Variants in FAAH2 observed in about 807,000 individuals in gnomAD.
FAAH2 encodes the protein fatty-acid amide hydrolase 2.
FAAH2 carries 60 observed loss-of-function variants against 36.9 expected under a neutral mutation model. The ratio of observed to expected loss-of-function variants is 1.63; its 90% CI spans 1.32 to 2.02. The LOEUF (loss-of-function observed/expected upper bound fraction) is 2.02, where lower values mean the gene tolerates loss of function less well. FAAH2 is among the 30% of genes most tolerant of loss of function. The probability of loss-of-function intolerance (pLI) is 0.00; values close to 1 mark genes in which losing one functional copy is unlikely to be tolerated. For synonymous variants in FAAH2, 214 were observed against 143.8 expected (o/e 1.49, Z -3.49); for missense variants, 689 against 397.5 (o/e 1.73, Z -6.23).
chrX:57,238,604 C>A, the FAAH2 span, among the ~76,000 whole-genome samples: 1 of 111,330 alleles, frequency 9.0e-6, no homozygotes, highest in Non-Finnish European at 1.9e-5. Context: ...TATAACAAAC[C>A]TGCACAGGTA....
Position 57,399,073 on chromosome X carries a change from C to G in FAAH2, c.996+18044C>G, listed in dbSNP as rs527429498. Reference sequence around the variant, plus strand: ...GCCGGTCCAGGAATCCACGGTAGATCTTAGTCATGGACTGCAACTGGGGCT... The same window carrying G: ...GCCGGTCCAGGAATCCACGGTAGATGTTAGTCATGGACTGCAACTGGGGCT... On this transcript the variant is annotated intron_variant, in intron 7 of 10. Transcript: ENST00000374900. 1.3e-4 allele frequency among the ~76,000 whole-genome samples: 15 copies of G among 111,553 alleles called. No homozygotes were observed. In the East Asian group the frequency reaches 3.7e-3, roughly 27 times the overall value.
At chrX:57,423,717 G>T (rs1000255391) in intron 7 of FAAH2, among the ~76,000 whole-genome samples, 1 of 111,240 alleles carries the variant, frequency 9.0e-6, no homozygotes, top group Admixed American at 9.6e-5. Flanking sequence ...GTGCTTGTGC[G>T]TGCCATTGGG....
At chrX:57,449,970 T>C (rs961097400) in intron 10 of FAAH2, among the ~76,000 whole-genome samples, 1 of 111,989 alleles carries the variant, frequency 8.9e-6, no homozygotes, top group Admixed American at 9.5e-5. Context: ...CTGGCCTTAA[T>C]TTCTTAAGTC....
At chrX:57,472,398 A>G (rs1214642659) in intron 10 of FAAH2, among the ~76,000 whole-genome samples, 1 of 112,199 alleles carries the variant, frequency 8.9e-6, no homozygotes, top group Non-Finnish European at 1.9e-5. Flanking sequence ...AATTTACAAG[A>G]AAGAAACAAC....
chrX:57,261,466 C>A, the FAAH2 span, among the ~76,000 whole-genome samples: 1 of 103,594 alleles, frequency 9.7e-6, no homozygotes, highest in South Asian at 4.4e-4. Context: ...GGCAGGAGAA[C>A]CACTTGAACC....
At chrX:57,343,244 T>C (rs1047692301) in intron 5 of FAAH2, among the ~76,000 whole-genome samples, 1 of 112,218 alleles carries the variant, frequency 8.9e-6, no homozygotes, top group Non-Finnish European at 1.9e-5. Flanking sequence ...CAACAGTATA[T>C]AAGCATTCTC....
At chrX:57,259,545 C>T in the FAAH2 span, among the ~76,000 whole-genome samples, 1 of 111,901 alleles carries the variant, frequency 8.9e-6, no homozygotes, top group African/African-American at 3.2e-5. Context: ...ACAAATATTG[C>T]ATGTTTCCAC....
the FAAH2 span, among the ~76,000 whole-genome samples, chrX:57,281,312 T>A: frequency 8.9e-6 from 1 of 111,827 alleles, no homozygotes; most frequent in Non-Finnish European, 1.9e-5. Flanking sequence ...AATAAGCTTA[T>A]TTGGTGGTGG....
intron 7 of FAAH2, among the ~76,000 whole-genome samples, chrX:57,391,337 TA>T (rs1213331351): frequency 8.9e-6 from 1 of 111,911 alleles, no homozygotes; most frequent in African/African-American, 3.2e-5. Flanking sequence ...TCCATTTGTG[TA>T]CTTTTGTTTT....
chrX:57,436,441 T>C (rs769319433), intron 8 of FAAH2, among the ~76,000 whole-genome samples: 1 of 109,235 alleles, frequency 9.2e-6, no homozygotes, highest in Admixed American at 9.8e-5. Flanking sequence ...AAACAGGAAG[T>C]GTTGGTTCTT....
At chrX:57,162,993 T>C in the FAAH2 span, among the ~76,000 whole-genome samples, 1 of 112,370 alleles carries the variant, frequency 8.9e-6, no homozygotes, top group African/African-American at 3.2e-5. Context: ...TTTGTGGTTT[T>C]ATCTACTTTT....
At chrX:57,162,023 G>T in the FAAH2 span, among the ~76,000 whole-genome samples, 1 of 111,749 alleles carries the variant, frequency 8.9e-6, no homozygotes, top group African/African-American at 3.3e-5. Flanking sequence ...CATATTTAGT[G>T]CTTCCTTCAG....
the FAAH2 span, among the ~76,000 whole-genome samples, chrX:57,174,008 G>A: frequency 3.5e-3 from 392 of 111,000 alleles, 3 homozygotes; most frequent in African/African-American, 0.012. Context: ...TAATTCATCA[G>A]GAATATTTGT....
At chrX:57,164,179 C>T in the FAAH2 span, among the ~76,000 whole-genome samples, 2 of 112,122 alleles carry the variant, frequency 1.8e-5, no homozygotes, top group African/African-American at 3.2e-5. Flanking sequence ...AAAATAGTCC[C>T]TCAGTGATCA....
At chrX:57,344,154 A>G (rs2053761063) in intron 5 of FAAH2, among the ~76,000 whole-genome samples, 2 of 109,975 alleles carry the variant, frequency 1.8e-5, no homozygotes, top group Non-Finnish European at 3.8e-5. Flanking sequence ...GTGAAAAATA[A>G]CAGTATTTCG....
At chrX:57,226,837 G>T in the FAAH2 span, among the ~76,000 whole-genome samples, 92 of 111,609 alleles carry the variant, frequency 8.2e-4, no homozygotes, top group Middle Eastern at 4.7e-3. Context: ...TGGAGGCTTT[G>T]TTTATATTTT....
intron 7 of FAAH2, among the ~76,000 whole-genome samples, chrX:57,397,878 G>A (rs1303708844): frequency 4.2e-4 from 33 of 78,992 alleles, no homozygotes; most frequent in Middle Eastern, 0.012. Flanking sequence ...AACAGGCCCC[G>A]ATGTGTGATG....
At chrX:57,295,160 G>A (rs1389627722) in intron 2 of FAAH2, among the ~76,000 whole-genome samples, 1 of 111,910 alleles carries the variant, frequency 8.9e-6, no homozygotes. Flanking sequence ...CATATTCAGA[G>A]CTGTGGTTCA....
At chrX:57,272,116 A>T in the FAAH2 span, among the ~76,000 whole-genome samples, 7 of 108,033 alleles carry the variant, frequency 6.5e-5, no homozygotes, top group Non-Finnish European at 7.6e-5. Flanking sequence ...TACAAGTATC[A>T]ATAGCTGAAT....
Sources: gnomAD v4.1 joint callset for allele counts (sites outside exome capture counted in the v4.1 genomes callset) on GRCh38, gnomAD v4.1.1 for gene constraint, MANE v1.5 for transcripts, NCBI Gene and HGNC (gene_info 2026-07-23, HGNC 2026-07-21) for gene names.